Variants in ZNF250 observed in about 807,000 individuals in gnomAD.
The protein encoded by ZNF250 is zinc finger protein 250.
In ZNF250, 13 loss-of-function variants were observed where a neutral mutation model predicts 37.1. That is an observed-to-expected ratio of 0.35 (90% CI 0.23 to 0.56). The LOEUF (loss-of-function observed/expected upper bound fraction) is 0.56. Among genes scored for constraint, ZNF250 ranks in the 20% least tolerant of loss-of-function variants. The probability of loss-of-function intolerance (pLI) is 0.87; values close to 1 mark genes in which losing one functional copy is unlikely to be tolerated. For synonymous variants in ZNF250, 251 were observed against 265.6 expected (o/e 0.94, Z 0.54); for missense variants, 474 against 697.9 (o/e 0.68, Z 3.61).
Position 144,889,626 on chromosome 8 carries a change from T to C in ZNF250, c.238A>G (p.Arg80Gly), listed in dbSNP as rs958127841. Residue 80 changes from arginine to glycine, a missense_variant, in exon 4 of 6, where the codon AGG (arginine) becomes GGG (glycine). Physicochemically the swap from Arg to Gly is moderately radical, Grantham distance 125. Transcript: ENST00000417550. ...CCCTGGCTCTTCTTAGCCCCCTTCC[T>C]GTCCAGGACCCAGGGATCTTCCCCT... ...ERGEDPWVLD[R>G]KGAKKSQGLW... The C allele has an allele frequency of 6.2e-7, 1 of 1,613,888 alleles. No individual in the cohort carries two copies. The highest frequency in any genetic ancestry group is 1.3e-5 in the African/African-American group (1 of 74,932).
rs1193270276 is a variant in ZNF250 at position 144,890,130 on chromosome 8, C to T, written c.43-71G>A. The T allele has an allele frequency of 1.9e-6, 3 of 1,577,444 alleles. No individual in the cohort carries two copies. In the East Asian group the frequency reaches 7.0e-5, roughly 37 times the overall value. ...TGTGATGGGGAGTGGGTGCATGTGA[C>T]ATGTGACATGAGCAGTTGGCAGTGG... On this transcript the variant is annotated intron_variant, in intron 2 of 5. Transcript: ENST00000417550. This position sits in a 1 kb window ranked among gnomAD's most constrained non-coding sequence, Gnocchi z 5.1.
rs1179234776 is a variant in ZNF250, at chr8:144,881,699, G to A, written c.1484C>T (p.Thr495Ile). 1 of 1,612,598 alleles carries A rather than the reference G, an allele frequency of 6.2e-7. No homozygotes were observed. Among genetic ancestry groups the A allele is most frequent in the Admixed American group, 1.7e-5 (1 of 59,642 alleles). Residue 495 changes from threonine (T) to isoleucine (I), a missense_variant, in exon 6 of 6, where the codon ACC (threonine) becomes ATC (isoleucine). Thr to Ile is a moderately conservative substitution (Grantham distance 89). Transcript: ENST00000417550. The part of the protein sequence containing the change: ...LKATLIVHLR[T>I]HTGEKPYECN... ...CTCATATGGCTTCTCGCCCGTGTGG[G>A]TCCTCAGGTGCACAATCAGAGTTGC...
intron 4 of ZNF250, among the ~76,000 whole-genome samples, chr8:144,887,252 C>CAAAAAAAAAAAAAAAA (rs56677445): frequency 5.4e-4 from 34 of 63,076 alleles, no homozygotes; most frequent in African/African-American, 2.5e-3. Context: ...CTCCGTCTCT[C>CAAAAAAAAAAAAAAAA]AAAAAAAAAA....
chr8:144,893,466 G>T (rs937262243), intron 1 of ZNF250, among the ~76,000 whole-genome samples: 3 of 152,112 alleles, frequency 2.0e-5, no homozygotes, highest in Admixed American at 2.0e-4. Flanking sequence ...GAGTAGCTGG[G>T]ACTACAGACA....
rs977503160 is a variant in ZNF250, at chr8:144,880,911, T to G, written c.*604A>C. On this transcript the variant is annotated 3_prime_UTR_variant, in exon 6 of 6. Coordinates refer to ENST00000417550, the MANE Select transcript of ZNF250 (RefSeq NM_001109689.4). The stretch of plus-strand genomic sequence containing the variant: ...TTTTTAAATTTATGTAATTTCTCAC[T>G]AATATATAAGCTTTTTCCTTGTTTC... 6.1e-6 allele frequency: 1 copy of G among 163,586 alleles called. No homozygotes were observed. The highest frequency in any genetic ancestry group is 1.4e-5 in the Non-Finnish European group (1 of 73,852). The allele number at this position is 163,586 out of a possible 1,614,324, so 10.1% of individuals were successfully genotyped here. A position where few individuals can be genotyped will look rare whatever the true frequency, so the allele number is the denominator to read the frequency against.
Position 144,896,023 on chromosome 8 carries a change from A to C in ZNF250, c.-55+5376T>G, listed in dbSNP as rs1832699241. Among the ~76,000 whole-genome samples, 14 of 151,734 alleles carry C rather than the reference A, an allele frequency of 9.2e-5. No homozygotes were observed. In the South Asian group the frequency reaches 2.9e-3, roughly 32 times the overall value. On this transcript the variant is annotated intron_variant, in intron 1 of 5. Transcript: ENST00000417550. ...GACTCTGTCTCAAAAAAAAAAAAAA[A>C]AAAAAAATCCTATCACAAAGTCTGA... is the stretch of plus-strand genomic sequence containing the variant.
rs1197671132 is a variant in ZNF250 at position 144,881,260 on chromosome 8, T to A, written c.*255A>T. 1 of 400,378 alleles carries A rather than the reference T, an allele frequency of 2.5e-6. No individual in the cohort carries two copies. Among genetic ancestry groups the A allele is most frequent in the Non-Finnish European group, 4.3e-6 (1 of 233,464 alleles). 24.8% of individuals were successfully genotyped at this position (400,378 alleles called of 1,614,324 possible). A position where few individuals can be genotyped will look rare whatever the true frequency, so the allele number is the denominator to read the frequency against. On this transcript the variant is annotated 3_prime_UTR_variant, in exon 6 of 6. Coordinates refer to ENST00000417550, the MANE Select transcript of ZNF250 (RefSeq NM_001109689.4). Reference sequence around the variant, plus strand: ...TAATGTTAAAGAATTATGGCTGTTTTTTACCAAAATTCTCTACAATTGTAT... The same window carrying A: ...TAATGTTAAAGAATTATGGCTGTTTATTACCAAAATTCTCTACAATTGTAT...
chr8:144,898,947 A>G (rs1832904146), intron 1 of ZNF250, among the ~76,000 whole-genome samples: 2 of 152,242 alleles, frequency 1.3e-5, no homozygotes, highest in South Asian at 4.1e-4. Context: ...TGACTGCAGC[A>G]CTATTCACAA....
chr8:144,887,718 C>G (rs921093937), intron 4 of ZNF250, among the ~76,000 whole-genome samples: 1 of 152,176 alleles, frequency 6.6e-6, no homozygotes, highest in Non-Finnish European at 1.5e-5. Context: ...AAAATGCCCT[C>G]CTGTGTTTTC....
Position 144,890,299 on chromosome 8 carries a change from A to G in ZNF250, c.42+9T>C, listed in dbSNP as rs1832238966. On this transcript the variant is annotated intron_variant, in intron 2 of 5. Coordinates refer to ENST00000417550, the MANE Select transcript of ZNF250 (RefSeq NM_001109689.4). This position sits in a 1 kb window ranked among gnomAD's most constrained non-coding sequence, Gnocchi z 5.1. ...TGGGGGCACTGCATAAGCACTGGGGACAGCTTACCTGGGGTCCTGCCGGCA... is the reference window on the plus strand; with the variant it reads ...TGGGGGCACTGCATAAGCACTGGGGGCAGCTTACCTGGGGTCCTGCCGGCA... 1.3e-6 allele frequency: 2 copies of G among 1,529,330 alleles called. No homozygotes were observed. Among genetic ancestry groups the G allele is most frequent in the Non-Finnish European group, 1.8e-6 (2 of 1,134,240 alleles). 94.7% of individuals were successfully genotyped at this position (1,529,330 alleles called of 1,614,324 possible). A position where few individuals can be genotyped will look rare whatever the true frequency, so the allele number is the denominator to read the frequency against.
Position 144,881,162 on chromosome 8 carries a change from A to G in ZNF250, c.*353T>C. The G allele has an allele frequency of 5.2e-6, 1 of 192,820 alleles. No homozygotes were observed. Among genetic ancestry groups the G allele is most frequent in the Non-Finnish European group, 1.1e-5 (1 of 93,044 alleles). 11.9% of individuals were successfully genotyped at this position (192,820 alleles called of 1,614,324 possible). A position where few individuals can be genotyped will look rare whatever the true frequency, so the allele number is the denominator to read the frequency against. ...GGGCATGTAATGTTCTTAGAAAAAG[A>G]ACTTTATTTGGAATGTAAGATTTTA... On this transcript the variant is annotated 3_prime_UTR_variant, in exon 6 of 6. Transcript: ENST00000417550.
chr8:144,901,762 C>G (rs1308328265), upstream of ZNF250: 1 of 152,874 alleles, frequency 6.5e-6, no homozygotes, highest in African/African-American at 2.4e-5. This position sits in a 1 kb window ranked among gnomAD's most constrained non-coding sequence, Gnocchi z 5.4. Context: ...CTCGCAGTCC[C>G]GGTTCCCGAG....
At chr8:144,887,135 C>T (rs113428243) in intron 4 of ZNF250, among the ~76,000 whole-genome samples, 4,151 of 151,202 alleles carry the variant, frequency 0.027, 85 homozygotes, top group Middle Eastern at 0.061. Context: ...CTGTAGTCCC[C>T]ACTACTAGGG....
At chr8:144,900,163 G>C (rs1464043293) in intron 1 of ZNF250, among the ~76,000 whole-genome samples, 1 of 152,184 alleles carries the variant, frequency 6.6e-6, no homozygotes, top group Non-Finnish European at 1.5e-5. Context: ...ACGTCGACCT[G>C]GCAGGAATGC....
Position 144,897,006 on chromosome 8 carries a change from G to A in ZNF250, c.-55+4393C>T, listed in dbSNP as rs972471191. 6.6e-6 allele frequency among the ~76,000 whole-genome samples: 1 copy of A among 152,198 alleles called. No individual in the cohort carries two copies. Among genetic ancestry groups the A allele is most frequent in the African/African-American group, 2.4e-5 (1 of 41,452 alleles). ...TCCAAAACAAAAACAATAGATCAAC[G>A]TTATTAGCAGCAACTGGCTTTCCAG... On this transcript the variant is annotated intron_variant, in intron 1 of 5. Coordinates refer to ENST00000417550, the MANE Select transcript of ZNF250 (RefSeq NM_001109689.4). This position sits in a 1 kb window ranked among gnomAD's most constrained non-coding sequence, Gnocchi z 5.2.
rs771976460 is a variant in ZNF250 at position 144,882,471 on chromosome 8, T to C, written c.712A>G (p.Ser238Gly). 6 of 1,613,968 alleles carry C rather than the reference T, an allele frequency of 3.7e-6. No individual in the cohort carries two copies. Among genetic ancestry groups the C allele is most frequent in the Non-Finnish European group, 5.1e-6 (6 of 1,180,010 alleles). The change falls in exon 6 of 6, where the codon AGT becomes GGT. Residue 238 changes from serine to glycine, a missense_variant. By Grantham distance (56) the Ser-to-Gly change is moderately conservative. This residue lies in a region of ZNF250 where 282 missense variants were observed against 470.4 expected (regional missense o/e 0.60). Transcript: ENST00000417550. The surrounding 1 kb of genome is among the most constrained non-coding windows in gnomAD (Gnocchi z 5.5). ...CCTGTGTGAATTCTCCTGTGTTTAC[T>C]AAGGACTGAGCTCTGGCTGAAGGCC... ...GKAFSQSSVL[S>G]KHRRIHTGEK...
At chr8:144,884,701 T>C (rs1831745021) in intron 5 of ZNF250, among the ~76,000 whole-genome samples, 1 of 152,228 alleles carries the variant, frequency 6.6e-6, no homozygotes, top group South Asian at 2.1e-4. Flanking sequence ...TTTTCGATTT[T>C]TTTTTTCATT....
chr8:144,890,221 C>T lies in ZNF250; in HGVS notation c.42+87G>A. Reference sequence around the variant, plus strand: ...GGAGTTCAGGGCATGTGGTGACGCTCTGGCTGCTCTTAGGAGCTCTACGGG... The same window carrying T: ...GGAGTTCAGGGCATGTGGTGACGCTTTGGCTGCTCTTAGGAGCTCTACGGG... On this transcript the variant is annotated intron_variant, in intron 2 of 5. Transcript: ENST00000417550. This position sits in a 1 kb window ranked among gnomAD's most constrained non-coding sequence, Gnocchi z 5.1. The T allele has an allele frequency of 6.7e-7, 1 of 1,503,352 alleles. No homozygotes were observed. Among genetic ancestry groups the T allele is most frequent in the Non-Finnish European group, 9.1e-7 (1 of 1,100,988 alleles). 93.1% of individuals were successfully genotyped at this position (1,503,352 alleles called of 1,614,324 possible).
intron 1 of ZNF250, among the ~76,000 whole-genome samples, chr8:144,899,088 G>A (rs76134139): frequency 1.3e-5 from 2 of 152,276 alleles, no homozygotes; most frequent in African/African-American, 4.8e-5. Flanking sequence ...AACAGGGATG[G>A]AACTGGAGGT....
Sources: allele counts gnomAD v4.1 joint callset (sites outside exome capture counted in the v4.1 genomes callset), GRCh38; gene constraint gnomAD v4.1.1; regional missense constraint gnomAD v4.1.1; non-coding constraint Gnocchi (gnomAD v3.1); transcripts MANE v1.5; gene names NCBI Gene and HGNC (gene_info 2026-07-23, HGNC 2026-07-21).